The following LRP1B variants were observed in gnomAD, a reference collection of about 807,000 sequenced individuals.
LRP1B encodes LDL receptor related protein 1B.
In LRP1B, 217 loss-of-function variants were observed where a neutral mutation model predicts 556.6. That is an observed-to-expected ratio of 0.39 (90% CI 0.35 to 0.44). The LOEUF (loss-of-function observed/expected upper bound fraction) is 0.44. LRP1B is among the 20% of genes least tolerant of loss of function. The pLI is 1.00. For synonymous variants in LRP1B, 2,047 were observed against 1,865.8 expected (o/e 1.10, Z -2.50); for missense variants, 5,053 against 5,620.8 (o/e 0.90, Z 3.23).
intron 2 of LRP1B, among the ~76,000 whole-genome samples, chr2:141,602,179 G>T (rs1014988284): frequency 6.6e-6 from 1 of 152,032 alleles, no homozygotes; most frequent in Admixed American, 6.6e-5. Flanking sequence ...ACCCTATTAG[G>T]TCTCTGAATA....
chr2:140,553,640 C>T (rs1007029616), intron 43 of LRP1B, among the ~76,000 whole-genome samples: 1 of 151,972 alleles, frequency 6.6e-6, no homozygotes, highest in Non-Finnish European at 1.5e-5. Context: ...AAGCCTGAAG[C>T]AAGAAATAGC....
intron 23 of LRP1B, among the ~76,000 whole-genome samples, chr2:140,901,231 G>T (rs985008482): frequency 6.6e-6 from 1 of 152,090 alleles, no homozygotes; most frequent in Non-Finnish European, 1.5e-5. Flanking sequence ...CGACCTCCTT[G>T]TCCTGTGGAC....
intron 1 of LRP1B, among the ~76,000 whole-genome samples, chr2:142,040,052 A>G (rs143943813): frequency 6.6e-6 from 1 of 151,626 alleles, no homozygotes; most frequent in African/African-American, 2.4e-5. Context: ...ATGAATTGAT[A>G]TAGTGTGTCT....
chr2:141,061,733 A>C (rs1024697177), intron 8 of LRP1B, among the ~76,000 whole-genome samples: 1 of 151,814 alleles, frequency 6.6e-6, no homozygotes, highest in Non-Finnish European at 1.5e-5. Flanking sequence ...TTTTTAGTAA[A>C]TAGGCCATAA....
At chr2:140,938,081 C>T (rs1189386706) in intron 20 of LRP1B, among the ~76,000 whole-genome samples, 1 of 151,910 alleles carries the variant, frequency 6.6e-6, no homozygotes, top group Non-Finnish European at 1.5e-5. Flanking sequence ...TTCCAGGAAG[C>T]AGCATAAATG....
chr2:141,203,748 A>C (rs2105232048), intron 6 of LRP1B, among the ~76,000 whole-genome samples: 1 of 152,126 alleles, frequency 6.6e-6, no homozygotes, highest in East Asian at 1.9e-4. Context: ...GCACCTCATC[A>C]CACTTATTCT....
At chr2:141,963,397 T>A (rs1701462751) in intron 1 of LRP1B, among the ~76,000 whole-genome samples, 1 of 151,876 alleles carries the variant, frequency 6.6e-6, no homozygotes, top group East Asian at 1.9e-4. Context: ...TGACAGCAAG[T>A]AAGAAATTGG....
At chr2:141,026,790 G>A (rs1434731741) in intron 11 of LRP1B, among the ~76,000 whole-genome samples, 3 of 152,036 alleles carry the variant, frequency 2.0e-5, no homozygotes, top group African/African-American at 4.8e-5. Flanking sequence ...GTACATTGGG[G>A]CAAAGTCATA....
intron 7 of LRP1B, among the ~76,000 whole-genome samples, chr2:141,168,267 T>G (rs1242571145): frequency 6.6e-6 from 1 of 152,082 alleles, no homozygotes; most frequent in African/African-American, 2.4e-5. Flanking sequence ...AGAAGTTTTC[T>G]GACAGCCTGT....
chr2:141,221,172 G>A (rs1683020887), intron 6 of LRP1B, among the ~76,000 whole-genome samples: 1 of 151,516 alleles, frequency 6.6e-6, no homozygotes, highest in African/African-American at 2.4e-5. Flanking sequence ...CACATGCAAA[G>A]CCACACATAG....
chr2:141,221,293 A>T (rs1036516295), intron 6 of LRP1B, among the ~76,000 whole-genome samples: 3 of 54,524 alleles, frequency 5.5e-5, no homozygotes, highest in Non-Finnish European at 1.2e-4. Flanking sequence ...AAAGATAAAA[A>T]AAAAAAAAAA....
At chr2:142,000,088 C>A (rs1417336904) in intron 1 of LRP1B, among the ~76,000 whole-genome samples, 1 of 151,302 alleles carries the variant, frequency 6.6e-6, no homozygotes, top group Non-Finnish European at 1.5e-5. Flanking sequence ...AATAAACATA[C>A]AAACATATTT....
At chr2:141,058,114 T>C (rs1008260566) in intron 9 of LRP1B, among the ~76,000 whole-genome samples, 7 of 151,986 alleles carry the variant, frequency 4.6e-5, no homozygotes, top group Middle Eastern at 3.4e-3. Flanking sequence ...TAGTAGATTG[T>C]CCATGAAAAA....
intron 83 of LRP1B, among the ~76,000 whole-genome samples, chr2:140,299,383 A>G (rs1369556872): frequency 2.0e-5 from 3 of 152,140 alleles, no homozygotes; most frequent in Admixed American, 6.6e-5. Context: ...AAAGTAATAT[A>G]CATTTTTATG....
chr2:140,336,624 C>T (rs948360627), intron 77 of LRP1B, among the ~76,000 whole-genome samples: 1 of 151,848 alleles, frequency 6.6e-6, no homozygotes, highest in African/African-American at 2.4e-5. Context: ...TATGGCTAGA[C>T]ACATTTAGGG....
At chr2:141,107,659 A>G (rs369023101) in intron 7 of LRP1B, among the ~76,000 whole-genome samples, 1 of 63,212 alleles carries the variant, frequency 1.6e-5, no homozygotes, top group Admixed American at 1.8e-4. Context: ...AAAAAACAAG[A>G]AAGAAAGACT....
chr2:140,905,729 G>A (rs888893563), intron 22 of LRP1B, among the ~76,000 whole-genome samples: 8 of 152,004 alleles, frequency 5.3e-5, no homozygotes, highest in Non-Finnish European at 1.0e-4. Flanking sequence ...GACCTTCAAA[G>A]TTTCCAGTTT....
chr2:141,943,890 T>C (rs569915480), intron 1 of LRP1B, among the ~76,000 whole-genome samples: 3 of 152,164 alleles, frequency 2.0e-5, no homozygotes, highest in South Asian at 2.1e-4. Context: ...GATGGAATTA[T>C]TGGGCAAATA....
chr2:140,272,519 T>G (rs185197734), intron 85 of LRP1B, among the ~76,000 whole-genome samples: 1 of 152,140 alleles, frequency 6.6e-6, no homozygotes, highest in African/African-American at 2.4e-5. Context: ...CCTGTTCTAC[T>G]TAACAGTTCA....
Sources: allele counts gnomAD v4.1 joint callset (sites outside exome capture counted in the v4.1 genomes callset), GRCh38; gene constraint gnomAD v4.1.1; transcripts MANE v1.5; gene names NCBI Gene and HGNC (gene_info 2026-07-23, HGNC 2026-07-21).